The following CTNND2 variants were observed in gnomAD, a reference collection of about 807,000 sequenced individuals.
CTNND2 encodes the protein catenin delta-2.
Under a neutral mutation model 144.4 loss-of-function variants are expected in CTNND2, and 22 were observed. That is an observed-to-expected ratio of 0.15 (90% CI 0.11 to 0.22). The LOEUF (loss-of-function observed/expected upper bound fraction) is 0.22. CTNND2 is among the 10% of genes least tolerant of loss of function. The pLI is 1.00. For synonymous variants in CTNND2, 751 were observed against 695.6 expected, an observed-to-expected ratio of 1.08 and a Z score of -1.25; for missense variants, 1,353 against 1,618.8, an observed-to-expected ratio of 0.84 and a Z score of 2.82.
At chr5:11,209,927 C>T (rs1342102999) in intron 10 of CTNND2, among the ~76,000 whole-genome samples, 1 of 151,644 alleles carries the variant, frequency 6.6e-6, no homozygotes, top group African/African-American at 2.4e-5. Context: ...CTCAAACAAA[C>T]AACAACAAAA....
intron 1 of CTNND2, among the ~76,000 whole-genome samples, chr5:11,813,146 C>T (rs547743491): frequency 2.0e-5 from 3 of 152,146 alleles, no homozygotes; most frequent in African/African-American, 4.8e-5. Flanking sequence ...TTTAGATACA[C>T]CAATACTTAC....
intron 11 of CTNND2, among the ~76,000 whole-genome samples, chr5:11,161,860 C>G (rs891026124): frequency 2.0e-5 from 3 of 151,988 alleles, no homozygotes; most frequent in Admixed American, 2.0e-4. Context: ...CCTTTAAAAA[C>G]TAAATAGCAG....
intron 8 of CTNND2, among the ~76,000 whole-genome samples, chr5:11,348,437 C>CAAAAAAA (rs3034056): frequency 1.6e-3 from 181 of 114,504 alleles, no homozygotes; most frequent in African/African-American, 2.1e-3. Flanking sequence ...AAATCAAGGG[C>CAAAAAAA]AAAAAAAAAA....
chr5:11,659,724 T>C (rs1783090440), intron 2 of CTNND2, among the ~76,000 whole-genome samples: 1 of 152,230 alleles, frequency 6.6e-6, no homozygotes, highest in South Asian at 2.1e-4. Context: ...GGGCCTCGTG[T>C]TTTAATGCTC....
chr5:11,236,887 G>A (rs776295633), intron 9 of CTNND2, 64 bp from the exon 10 acceptor site: 3 of 1,554,238 alleles, frequency 1.9e-6, no homozygotes, highest in South Asian at 2.3e-5. Context: ...GTTAACACAT[G>A]GTTAGCTCGT....
At chr5:11,840,306 T>C (rs1794395126) in intron 1 of CTNND2, among the ~76,000 whole-genome samples, 2 of 152,216 alleles carry the variant, frequency 1.3e-5, no homozygotes, top group Admixed American at 1.3e-4. Flanking sequence ...ATAATGTTTC[T>C]TTGTCAAACA....
chr5:11,126,075 G>A lies in CTNND2; in HGVS notation c.2160-8508C>T, dbSNP rs372840779. ...CCAGCACTTTGGGAGGCCGAGGCAG[G>A]CGGATCACCTGAGGTCGGGAGTTCG... On this transcript the variant is annotated intron_variant, in intron 12 of 21. Transcript: ENST00000304623. 5.9e-5 allele frequency among the ~76,000 whole-genome samples: 9 copies of A among 152,194 alleles called. 1 individual carries two copies. Among genetic ancestry groups the A allele is most frequent in the East Asian group, 3.9e-4 (2 of 5,192 alleles).
At chr5:11,578,730 GGTAAAGTGAACT>G (rs1778169225) in intron 2 of CTNND2, among the ~76,000 whole-genome samples, 1 of 152,010 alleles carries the variant, frequency 6.6e-6, no homozygotes, top group African/African-American at 2.4e-5. Flanking sequence ...CAATCACACA[GGTAAAGTGAACT>G]GGCAGTCAGA....
Position 11,305,522 on chromosome 5 carries a change from T to C in CTNND2, c.1628+40850A>G, listed in dbSNP as rs575030421. Among the ~76,000 whole-genome samples, 8 of 152,296 alleles carry C rather than the reference T, an allele frequency of 5.3e-5. No homozygotes were observed. In the East Asian group the frequency reaches 1.4e-3, roughly 26 times the overall value. ...GGCTCTTGTGTCATTTGTCACATCC[T>C]ATTGAATTGTTTATGCATCTTGTTC... On this transcript the variant is annotated intron_variant, in intron 9 of 21. Coordinates refer to ENST00000304623, the MANE Select transcript of CTNND2 (RefSeq NM_001332.4).
chr5:11,470,980 A>ATATATATATATT lies in CTNND2; in HGVS notation c.288-58912_288-58911insAATATATATATA, dbSNP rs1219093645. 2.3e-3 allele frequency among the ~76,000 whole-genome samples: 208 copies of ATATATATATATT among 91,472 alleles called. 2 individuals carry two copies. The East Asian group carries it at 0.023, about 10-fold the overall frequency. The allele number at this position is 91,472 out of a possible 152,430, so 60.0% of individuals were successfully genotyped here. A position where few individuals can be genotyped will look rare whatever the true frequency, so the allele number is the denominator to read the frequency against. On this transcript the variant is annotated intron_variant, in intron 3 of 21. Transcript: ENST00000304623. ...TATATATATATATATATATATATAT[A>ATATATATATATT]TTTTTTTTTTTTTTTTAGATGGAGT...
At position 11,381,848 on chromosome 5, in the gene CTNND2, C is replaced by T. The variant is rs545309805; in HGVS notation, c.1177+2817G>A. Among the ~76,000 whole-genome samples the T allele has an allele frequency of 5.7e-4, 87 of 152,102 alleles. 1 individual carries two copies. Among genetic ancestry groups the T allele is most frequent in the Admixed American group, 4.6e-3 (70 of 15,282 alleles). On this transcript the variant is annotated intron_variant, in intron 7 of 21. Transcript: ENST00000304623. ...CAGGCGTGGTGGCGGGCACCTGTAGCCCCAGCTGCTCAGGAGGCTAAGGCA... is the reference window on the plus strand; with the variant it reads ...CAGGCGTGGTGGCGGGCACCTGTAGTCCCAGCTGCTCAGGAGGCTAAGGCA...
chr5:11,680,876 T>A (rs1245582699), intron 2 of CTNND2, among the ~76,000 whole-genome samples: 2 of 152,044 alleles, frequency 1.3e-5, no homozygotes, highest in Non-Finnish European at 2.9e-5. Flanking sequence ...TTGTGGCCAT[T>A]AGGTAAATAG....
rs893745253 is a variant in CTNND2, at chr5:11,794,157, C to G, written c.38-61885G>C. 3.9e-5 allele frequency among the ~76,000 whole-genome samples: 6 copies of G among 152,354 alleles called. No individual in the cohort carries two copies. In the East Asian group the frequency reaches 1.2e-3, roughly 29 times the overall value. Reference sequence around the variant, plus strand: ...TATCATAGTATTCTTCATTCACAGACAAGCTTCCAACATTAATTCTCTTCC... The same window carrying G: ...TATCATAGTATTCTTCATTCACAGAGAAGCTTCCAACATTAATTCTCTTCC... On this transcript the variant is annotated intron_variant, in intron 1 of 21. Coordinates refer to ENST00000304623, the MANE Select transcript of CTNND2 (RefSeq NM_001332.4).
rs1177886510 is a variant in CTNND2 at position 11,551,513 on chromosome 5, T to C, written c.287+13431A>G. Among the ~76,000 whole-genome samples the C allele has an allele frequency of 2.0e-5, 3 of 147,948 alleles. No homozygotes were observed. The East Asian group carries it at 6.2e-4, about 30-fold the overall frequency. On this transcript the variant is annotated intron_variant, in intron 3 of 21. Coordinates refer to ENST00000304623, the MANE Select transcript of CTNND2 (RefSeq NM_001332.4). ...GTGCAGTGGTGTAATTATGGCTCAC[T>C]GCAACCTCTTCCTCCCACCTCAGCC... is the stretch of plus-strand genomic sequence containing the variant.
chr5:11,558,902 T>C (rs1464921283), intron 3 of CTNND2, among the ~76,000 whole-genome samples: 1 of 151,916 alleles, frequency 6.6e-6, no homozygotes, highest in Non-Finnish European at 1.5e-5. Flanking sequence ...GTAGACTAAG[T>C]AGGTAACACG....
chr5:11,694,802 C>A (rs889934311), intron 2 of CTNND2, among the ~76,000 whole-genome samples: 7 of 152,026 alleles, frequency 4.6e-5, no homozygotes, highest in Admixed American at 1.3e-4. Flanking sequence ...ATAAATATTT[C>A]TTTTCAAGCA....
At chr5:11,048,778 AG>A (rs1561224118) in intron 16 of CTNND2, among the ~76,000 whole-genome samples, 1 of 152,236 alleles carries the variant, frequency 6.6e-6, no homozygotes, top group Non-Finnish European at 1.5e-5. Flanking sequence ...AAAGATTGGA[AG>A]GAATAGTTCT....
chr5:11,312,211 ACACACTCC>A (rs1751044308), intron 9 of CTNND2, among the ~76,000 whole-genome samples: 5 of 125,312 alleles, frequency 4.0e-5, no homozygotes, highest in Middle Eastern at 4.5e-3. Context: ...ATACACACTC[ACACACTCC>A]CCATACAGCC....
chr5:11,518,702 C>A (rs1350418815), intron 3 of CTNND2, among the ~76,000 whole-genome samples: 1 of 152,140 alleles, frequency 6.6e-6, no homozygotes, highest in African/African-American at 2.4e-5. Flanking sequence ...CAACTACTTA[C>A]CATTGTGTTA....
Sources: allele counts gnomAD v4.1 joint callset (sites outside exome capture counted in the v4.1 genomes callset), GRCh38; gene constraint gnomAD v4.1.1; transcripts MANE v1.5; gene names NCBI Gene and HGNC (gene_info 2026-07-23, HGNC 2026-07-21).